Variants in FRMD5 observed in about 807,000 individuals in gnomAD.
FRMD5 encodes the protein FERM domain containing 5, also known as FERM domain-containing protein 5.
In FRMD5, 20 loss-of-function variants were observed where a neutral mutation model predicts 69.0. The observed-to-expected ratio is 0.29, with a 90% CI of 0.20 to 0.42. FRMD5 has a LOEUF of 0.42. Ranked by LOEUF, FRMD5 falls within the 10% of genes least tolerant of loss-of-function variation. FRMD5 has a pLI of 1.00. For synonymous variants in FRMD5, 271 were observed against 260.1 expected (o/e 1.04, Z -0.40); for missense variants, 595 against 708.6 (o/e 0.84, Z 1.82).
chr15:44,165,143 G>T (rs1182178713), intron 1 of FRMD5, among the ~76,000 whole-genome samples: 4 of 152,220 alleles, frequency 2.6e-5, no homozygotes, highest in Non-Finnish European at 5.9e-5. Context: ...AGTCGGCCAG[G>T]AGCGGTGGCT....
At chr15:44,033,086 T>G (rs999025575) in intron 1 of FRMD5, among the ~76,000 whole-genome samples, 2 of 152,222 alleles carry the variant, frequency 1.3e-5, no homozygotes, top group African/African-American at 4.8e-5. Context: ...GAGGCTATTA[T>G]TCTTAGAAAA....
At chr15:44,003,354 G>C (rs1200526658) in intron 1 of FRMD5, among the ~76,000 whole-genome samples, 1 of 152,038 alleles carries the variant, frequency 6.6e-6, no homozygotes, top group Non-Finnish European at 1.5e-5. Flanking sequence ...TAGCAGTCAG[G>C]GTAGTGCTTT....
intron 1 of FRMD5, among the ~76,000 whole-genome samples, chr15:43,986,523 G>A (rs1476301072): frequency 6.6e-6 from 1 of 152,140 alleles, no homozygotes; most frequent in African/African-American, 2.4e-5. Context: ...AGGAAGTGAT[G>A]CTGGCAAAAA....
At chr15:44,058,350 G>A (rs1029132920) in intron 1 of FRMD5, among the ~76,000 whole-genome samples, 1 of 152,130 alleles carries the variant, frequency 6.6e-6, no homozygotes, top group African/African-American at 2.4e-5. Context: ...CGGAAGCTGG[G>A]GAACTGTGGA....
intron 1 of FRMD5, among the ~76,000 whole-genome samples, chr15:43,945,298 A>C (rs2089927735): frequency 6.6e-6 from 1 of 152,202 alleles, no homozygotes; most frequent in Non-Finnish European, 1.5e-5. Flanking sequence ...TTGGTTCAAT[A>C]GGAAGTGCTT....
At chr15:44,032,754 G>A (rs1390922598) in intron 1 of FRMD5, among the ~76,000 whole-genome samples, 1 of 152,154 alleles carries the variant, frequency 6.6e-6, no homozygotes, top group African/African-American at 2.4e-5. Context: ...ACTGTTGGTG[G>A]GAGTGTAAAT....
At chr15:44,072,363 C>T (rs190093559) in intron 1 of FRMD5, among the ~76,000 whole-genome samples, 1 of 152,168 alleles carries the variant, frequency 6.6e-6, no homozygotes, top group Admixed American at 6.5e-5. Flanking sequence ...AGAAAAGAAC[C>T]CACTCCACAC....
chr15:44,046,659 T>C (rs1447580305), intron 1 of FRMD5, among the ~76,000 whole-genome samples: 2 of 152,254 alleles, frequency 1.3e-5, no homozygotes, highest in Non-Finnish European at 2.9e-5. Flanking sequence ...AAATACAATG[T>C]TGGTGTAATT....
At chr15:44,058,879 AG>A (rs1344144101) in intron 1 of FRMD5, among the ~76,000 whole-genome samples, 1 of 152,124 alleles carries the variant, frequency 6.6e-6, no homozygotes, top group Non-Finnish European at 1.5e-5. Flanking sequence ...AGGAACAAAT[AG>A]GCATTTTTCT....
At chr15:44,088,195 A>C (rs1364773873) in intron 1 of FRMD5, among the ~76,000 whole-genome samples, 1 of 152,116 alleles carries the variant, frequency 6.6e-6, no homozygotes, top group East Asian at 1.9e-4. Flanking sequence ...TATAAAATTC[A>C]ATGGTTTTTA....
intron 7 of FRMD5, among the ~76,000 whole-genome samples, chr15:43,893,722 G>A (rs1186909618): frequency 2.0e-5 from 3 of 152,206 alleles, no homozygotes; most frequent in Non-Finnish European, 2.9e-5. Context: ...GCTGGGCCAG[G>A]TCAGCCTGAG....
intron 1 of FRMD5, among the ~76,000 whole-genome samples, chr15:44,066,622 A>G (rs1436109226): frequency 2.6e-5 from 4 of 152,202 alleles, no homozygotes; most frequent in African/African-American, 4.8e-5. Context: ...GGCTTTGAAT[A>G]TTAGGCTGGG....
In FRMD5 at chr15:43,939,908, G is replaced by A. The variant is rs775946998; in HGVS notation, c.103-15599C>T. The stretch of plus-strand genomic sequence containing the variant: ...AGAGATGCTTAGAAAAGCACCAGGC[G>A]CGGTGGCTCATGTGCTCCCAGCGCT... On this transcript the variant is annotated intron_variant, in intron 1 of 13. Coordinates refer to ENST00000417257, the MANE Select transcript of FRMD5 (RefSeq NM_032892.5). 2.6e-5 allele frequency among the ~76,000 whole-genome samples: 4 copies of A among 152,154 alleles called. No individual in the cohort carries two copies. The South Asian group carries it at 6.2e-4, about 24-fold the overall frequency.
At chr15:44,173,889 G>C (rs943562995) in intron 1 of FRMD5, among the ~76,000 whole-genome samples, 1 of 151,988 alleles carries the variant, frequency 6.6e-6, no homozygotes, top group Admixed American at 6.6e-5. Context: ...TAGCTAAATA[G>C]CACTAAAATG....
At chr15:44,102,040 T>C (rs1284881342) in intron 1 of FRMD5, among the ~76,000 whole-genome samples, 1 of 152,240 alleles carries the variant, frequency 6.6e-6, no homozygotes, top group Non-Finnish European at 1.5e-5. Context: ...TCACACTCAA[T>C]GGCAGAAGCA....
chr15:44,184,387 A>G (rs767185159), intron 1 of FRMD5, among the ~76,000 whole-genome samples: 9 of 152,228 alleles, frequency 5.9e-5, no homozygotes, highest in Non-Finnish European at 1.2e-4. Context: ...TTGGAGTTTC[A>G]AGATGTCATT....
chr15:43,906,040 G>A, intron 5 of FRMD5, 89 bp from the exon 6 acceptor site: 1 of 1,479,560 alleles, frequency 6.8e-7, no homozygotes, highest in Non-Finnish European at 9.4e-7. Context: ...CAGAGCAAAA[G>A]CCAAAATACA....
intron 1 of FRMD5, among the ~76,000 whole-genome samples, chr15:43,998,026 G>A (rs995846128): frequency 3.3e-5 from 5 of 151,978 alleles, no homozygotes; most frequent in South Asian, 2.1e-4. Flanking sequence ...TTTGTGTGAG[G>A]TATTTCCTAC....
At chr15:44,052,884 G>C (rs1448977883) in intron 1 of FRMD5, among the ~76,000 whole-genome samples, 4 of 152,112 alleles carry the variant, frequency 2.6e-5, no homozygotes, top group African/African-American at 7.2e-5. Context: ...CTAGGTGATG[G>C]GGATGTAACA....
Sources: gnomAD v4.1 joint callset for allele counts (sites outside exome capture counted in the v4.1 genomes callset) on GRCh38, gnomAD v4.1.1 for gene constraint, MANE v1.5 for transcripts, NCBI Gene and HGNC (gene_info 2026-07-23, HGNC 2026-07-21) for gene names.